Variants in RBM26 observed in about 807,000 individuals in gnomAD.
RBM26 encodes RNA-binding protein 26.
A neutral mutation model predicts 123.6 loss-of-function variants in RBM26; 30 were observed. The observed-to-expected ratio is 0.24, with a 90% CI of 0.18 to 0.33. RBM26 has a LOEUF of 0.33. Among genes scored for constraint, RBM26 ranks in the 10% least tolerant of loss-of-function variants. The probability of loss-of-function intolerance (pLI) is 1.00; values close to 1 mark genes in which losing one functional copy is unlikely to be tolerated. For missense variants in RBM26, 947 were observed against 1,203.6 expected (o/e 0.79, Z 3.15); for synonymous variants, 400 against 404.4 (o/e 0.99, Z 0.13).
chr13:79,312,901 T>C (rs1218455052), exon 5 of RBM26: 1 of 151,872 alleles, frequency 6.6e-6, no homozygotes, highest in Non-Finnish European at 1.5e-5. Flanking sequence ...CACCAATGAC[T>C]TTTTCCTAAG....
In RBM26 at chr13:79,358,422, T is replaced by A. The variant is rs143209651; in HGVS notation, c.1541A>T (p.Asn514Ile). Residue 514 changes from asparagine (N) to isoleucine (I), a missense_variant, in exon 11 of 22, where the codon AAT (asparagine) becomes ATT (isoleucine). Coordinates refer to ENST00000438737, the MANE Select transcript of RBM26 (RefSeq NM_001366735.2). ...KKTWFDKPNF[N>I]RTNSPGFQKK... ...CTGAAAGCCTGGGCTGTTTGTTCTA[T>A]TAAAATTTGGTCTGCAAACAAAATT... is the stretch of plus-strand genomic sequence containing the variant. 1 of 1,608,288 alleles carries A rather than the reference T, an allele frequency of 6.2e-7. No homozygotes were observed. The highest frequency in any genetic ancestry group is 8.5e-7 in the Non-Finnish European group (1 of 1,178,324).
At chr13:79,360,664 G>C (rs2074571402) in intron 9 of RBM26, among the ~76,000 whole-genome samples, 1 of 151,736 alleles carries the variant, frequency 6.6e-6, no homozygotes, top group East Asian at 1.9e-4. Context: ...TTTAAATATG[G>C]AATAGACTCA....
chr13:79,368,572 T>C (rs1594401962), intron 6 of RBM26, among the ~76,000 whole-genome samples, 158 bp downstream of exon 6: 1 of 152,210 alleles, frequency 6.6e-6, no homozygotes, highest in East Asian at 1.9e-4. Context: ...TGGCAACTAA[T>C]AAATGTTTCA....
Position 79,365,653 on chromosome 13 carries a change from A to T in RBM26, c.1342T>A (p.Tyr448Asn), listed in dbSNP as rs2075182269. 1 of 1,613,762 alleles carries T rather than the reference A, an allele frequency of 6.2e-7. No individual in the cohort carries two copies. The highest frequency in any genetic ancestry group is 8.5e-7 in the Non-Finnish European group (1 of 1,179,850). The part of the protein sequence containing the change: ...PSITNTSRPM[Y>N]RHRVHAQRPN... Reference sequence around the variant, plus strand: ...CTTTGTGCATGCACTCTGTGTCTATACATAGGTCTGGAAGTGTTTGTTATG... The same window carrying T: ...CTTTGTGCATGCACTCTGTGTCTATTCATAGGTCTGGAAGTGTTTGTTATG... The change falls in exon 9 of 22, where the codon TAT becomes AAT. Residue 448 changes from tyrosine (Y) to asparagine (N), a missense_variant. By Grantham distance (143) the Tyr-to-Asn change is moderately radical. Transcript: ENST00000438737.
intron 21 of RBM26, 32 bp from the exon 22 acceptor site, chr13:79,320,742 C>CAAAAAAAAAAAAAAAA (rs34668220): frequency 9.9e-7 from 1 of 1,007,208 alleles, no homozygotes; most frequent in African/African-American, 1.8e-5. Context: ...GGAATTTACC[C>CAAAAAAAAAAAAAAAA]AAAAAAAAAA....
At chr13:79,384,261 C>CAA (rs2077301289) in intron 1 of RBM26, among the ~76,000 whole-genome samples, 3 of 102,724 alleles carry the variant, frequency 2.9e-5, no homozygotes, top group Admixed American at 2.0e-4. Context: ...TTTTTTTTTT[C>CAA]TTTTCATTTC....
intron 20 of RBM26, among the ~76,000 whole-genome samples, chr13:79,329,244 G>A (rs2068914361): frequency 6.6e-6 from 1 of 151,910 alleles, no homozygotes; most frequent in South Asian, 2.1e-4. Context: ...GTATATATGT[G>A]TATGTATTAA....
At position 79,342,804 on chromosome 13, in the gene RBM26, T is replaced by C; in HGVS notation, c.2287A>G (p.Lys763Glu). 6.3e-7 allele frequency: 1 copy of C among 1,598,390 alleles called. No homozygotes were observed. Among genetic ancestry groups the C allele is most frequent in the Non-Finnish European group, 8.5e-7 (1 of 1,173,606 alleles). Residue 763 changes from lysine to glutamate, a missense_variant, in exon 17 of 22, where the codon AAA becomes GAA. Physicochemically the swap from Lys to Glu is moderately conservative, Grantham distance 56 (BLOSUM62 1). Around this residue, in one of 5 missense-constraint regions of RBM26, gnomAD observed 493 missense variants for 563.1 expected, o/e 0.88. Transcript: ENST00000438737. The stretch of plus-strand genomic sequence containing the variant: ...GCTTTATCTTCAGACTTCATTGTTT[T>C]GTTTTTCTCCAGTTTTGAAATTAAC... ...KMLISKLEKN[K>E]TMKSEDKAEI... is the part of the protein sequence containing the mutation.
chr13:79,331,205 T>C (rs1023999967), intron 20 of RBM26, among the ~76,000 whole-genome samples: 5 of 152,084 alleles, frequency 3.3e-5, no homozygotes, highest in African/African-American at 9.6e-5. Context: ...GGTTTCTCCA[T>C]GTTGCCCAGG....
At chr13:79,372,634 T>C (rs1363970294) in intron 3 of RBM26, among the ~76,000 whole-genome samples, 1 of 148,624 alleles carries the variant, frequency 6.7e-6, no homozygotes, top group Non-Finnish European at 1.5e-5. Context: ...TCAAGGAATA[T>C]AGGAGAATAC....
chr13:79,328,494 A>C (rs1229692455), intron 20 of RBM26, among the ~76,000 whole-genome samples: 2 of 151,672 alleles, frequency 1.3e-5, no homozygotes, highest in Non-Finnish European at 2.9e-5. Flanking sequence ...AAAGCCTATT[A>C]ATATTAAGAG....
chr13:79,369,060 A>G, intron 5 of RBM26, 70 bp from the exon 6 acceptor site: 1 of 1,000,836 alleles, frequency 1.0e-6, no homozygotes, highest in Non-Finnish European at 1.4e-6. Flanking sequence ...GATCTAAGAA[A>G]TAGTGATATT....
At chr13:79,384,174 G>T (rs1022196483) in intron 1 of RBM26, among the ~76,000 whole-genome samples, 2 of 151,256 alleles carry the variant, frequency 1.3e-5, no homozygotes, top group South Asian at 4.2e-4. Flanking sequence ...TCACATCAAT[G>T]ATTTTAAAGG....
At chr13:79,323,639 C>T (rs1351581509) in intron 20 of RBM26, among the ~76,000 whole-genome samples, 1 of 151,506 alleles carries the variant, frequency 6.6e-6, no homozygotes, top group African/African-American at 2.4e-5. Flanking sequence ...AAAAAATTCA[C>T]CTAAAAAGCA....
rs2071603712 is a variant in RBM26 at position 79,342,609 on chromosome 13, T to A, written c.2427+55A>T. ...CAAGAAAAACTGAATCTTAAAAATG[T>A]AGTGTCTAATGCTTGTTAATAAGTA... On this transcript the variant is annotated intron_variant, in intron 17 of 21. Coordinates refer to ENST00000438737, the MANE Select transcript of RBM26 (RefSeq NM_001366735.2). 7.4e-6 allele frequency: 10 copies of A among 1,347,560 alleles called. No homozygotes were observed. In the Admixed American group the frequency reaches 1.9e-4, roughly 26 times the overall value. 83.5% of individuals were successfully genotyped at this position (1,347,560 alleles called of 1,614,324 possible). A position where few individuals can be genotyped will look rare whatever the true frequency, so the allele number is the denominator to read the frequency against.
At chr13:79,402,616 T>G (rs552740310) in intron 1 of RBM26, among the ~76,000 whole-genome samples, 122 of 152,232 alleles carry the variant, frequency 8.0e-4, no homozygotes, top group African/African-American at 2.9e-3. Flanking sequence ...TTTTTCTATT[T>G]CTTTCAATTC....
intron 9 of RBM26, among the ~76,000 whole-genome samples, chr13:79,360,005 C>T (rs1289829408): frequency 6.6e-6 from 1 of 152,082 alleles, no homozygotes; most frequent in Non-Finnish European, 1.5e-5. Context: ...CCTGCTCCAA[C>T]ACTTGATCTC....
chr13:79,404,494 C>T (rs2079339943), intron 1 of RBM26, among the ~76,000 whole-genome samples: 1 of 152,186 alleles, frequency 6.6e-6, no homozygotes, highest in South Asian at 2.1e-4. Context: ...TTTAAATCAT[C>T]TCACGTCTTC....
At chr13:79,383,592 G>A (rs2077240009) in intron 1 of RBM26, among the ~76,000 whole-genome samples, 1 of 151,738 alleles carries the variant, frequency 6.6e-6, no homozygotes, top group Non-Finnish European at 1.5e-5. Context: ...AATTTTAAAA[G>A]CACCTACTCT....
Sources: gnomAD v4.1 joint callset for allele counts (sites outside exome capture counted in the v4.1 genomes callset) on GRCh38, gnomAD v4.1.1 for gene constraint, gnomAD v4.1.1 regional missense constraint, MANE v1.5 for transcripts, NCBI Gene and HGNC (gene_info 2026-07-23, HGNC 2026-07-21) for gene names.